The following TCERG1 variants were observed in gnomAD, a reference collection of about 807,000 sequenced individuals.
The protein encoded by TCERG1 is TATA box binding protein (TBP)-associated factor, RNA polymerase II, S, 150kD.
TCERG1 carries 37 observed loss-of-function variants against 144.7 expected under a neutral mutation model. That is an observed-to-expected ratio of 0.26 (90% CI 0.20 to 0.34). The LOEUF (loss-of-function observed/expected upper bound fraction) is 0.34. Among genes scored for constraint, TCERG1 ranks in the 10% least tolerant of loss-of-function variants. The pLI is 1.00. For missense variants in TCERG1, 1,027 were observed against 1,380.7 expected, an observed-to-expected ratio of 0.74 and a Z score of 4.06; for synonymous variants, 492 against 458.2, an observed-to-expected ratio of 1.07 and a Z score of -0.94.
chr5:146,451,597 A>G (rs1762349451), intron 1 of TCERG1, among the ~76,000 whole-genome samples: 1 of 151,696 alleles, frequency 6.6e-6, no homozygotes, highest in African/African-American at 2.4e-5. Context: ...TGCTAGGATT[A>G]CAGGCGTGAG....
intron 16 of TCERG1, among the ~76,000 whole-genome samples, chr5:146,496,128 A>G (rs777795217): frequency 1.3e-5 from 2 of 152,324 alleles, no homozygotes; most frequent in Non-Finnish European, 2.9e-5. Context: ...TAAAGCTTCA[A>G]ATATTTAAAC....
At chr5:146,451,319 C>CTTTT (rs56346846) in intron 1 of TCERG1, among the ~76,000 whole-genome samples, 8 of 138,890 alleles carry the variant, frequency 5.8e-5, no homozygotes, top group Non-Finnish European at 6.2e-5. Context: ...ATCCATATTC[C>CTTTT]TTTTTTTTTT....
At chr5:146,458,632 C>G (rs539553316) in intron 3 of TCERG1, among the ~76,000 whole-genome samples, 1 of 152,072 alleles carries the variant, frequency 6.6e-6, no homozygotes, top group South Asian at 2.1e-4. Flanking sequence ...GCCACCACAC[C>G]TGGCTAATTT....
rs184486983 is a variant in TCERG1 at position 146,447,633 on chromosome 5, G to T, written c.59+225G>T. Reference sequence around the variant, plus strand: ...GCGCGTTCCCTGGCTGCTTCCTAGTGCTTTCTTGGGGCCTCGCCGCCTCTC... The same window carrying T: ...GCGCGTTCCCTGGCTGCTTCCTAGTTCTTTCTTGGGGCCTCGCCGCCTCTC... On this transcript the variant is annotated intron_variant, in intron 1 of 22. Coordinates refer to ENST00000679501, the MANE Select transcript of TCERG1 (RefSeq NM_001382548.1). Among the ~76,000 whole-genome samples, 1,413 of 152,338 alleles carry T rather than the reference G, an allele frequency of 9.3e-3. 24 individuals are homozygous for T. The highest frequency in any genetic ancestry group is 0.031 in the African/African-American group (1,296 of 41,590).
intron 16 of TCERG1, 71 bp from the exon 17 acceptor site, chr5:146,498,465 G>T: frequency 2.0e-6 from 3 of 1,475,640 alleles, no homozygotes; most frequent in East Asian, 2.3e-5. Context: ...TGGAAAAATG[G>T]TATCTTCTGC....
chr5:146,490,645 T>C (rs1000660638), intron 15 of TCERG1, among the ~76,000 whole-genome samples: 1 of 152,204 alleles, frequency 6.6e-6, no homozygotes, highest in Non-Finnish European at 1.5e-5. Flanking sequence ...GAAGGGTCTA[T>C]TGTGCTCAGT....
At chr5:146,471,699 A>G in intron 9 of TCERG1, 123 bp downstream of exon 9, 2 of 643,712 alleles carry the variant, frequency 3.1e-6, no homozygotes, top group Non-Finnish European at 5.2e-6. Flanking sequence ...CCCTAGTTCA[A>G]GCGATTCTCC....
intron 19 of TCERG1, 70 bp downstream of exon 19, chr5:146,504,076 GA>G (rs2150883184): frequency 7.7e-7 from 1 of 1,300,646 alleles, no homozygotes; most frequent in African/African-American, 1.5e-5. Context: ...TTACTGTTAT[GA>G]ATATTTTAAT....
chr5:146,471,629 C>CAAA, intron 9 of TCERG1, 53 bp downstream of exon 9: 2 of 1,483,456 alleles, frequency 1.3e-6, no homozygotes, highest in Non-Finnish European at 1.9e-6. Flanking sequence ...GACGGAGTCT[C>CAAA]ACTCTGTCAC....
At chr5:146,496,874 T>G (rs1163620620) in intron 16 of TCERG1, among the ~76,000 whole-genome samples, 4 of 142,960 alleles carry the variant, frequency 2.8e-5, no homozygotes, top group South Asian at 2.3e-4. Context: ...TATGTGTTTT[T>G]TTTTTTTTTT....
chr5:146,474,937 T>C (rs561913858), intron 9 of TCERG1, among the ~76,000 whole-genome samples: 1 of 152,324 alleles, frequency 6.6e-6, no homozygotes, highest in African/African-American at 2.4e-5. Context: ...CTGTATTTTG[T>C]TGGTCTGGAG....
chr5:146,491,678 G>A (rs1360287166), intron 15 of TCERG1, among the ~76,000 whole-genome samples: 1 of 152,110 alleles, frequency 6.6e-6, no homozygotes, highest in Non-Finnish European at 1.5e-5. Context: ...AGTTTGGTTT[G>A]CCTTATTCCC....
Position 146,449,640 on chromosome 5 carries a change from A to T in TCERG1, c.59+2232A>T, listed in dbSNP as rs79949083. Among the ~76,000 whole-genome samples the T allele has an allele frequency of 8.9e-4, 136 of 152,312 alleles. 2 individuals are homozygous for T. In the East Asian group the frequency reaches 0.024, roughly 26 times the overall value. On this transcript the variant is annotated intron_variant, in intron 1 of 22. Transcript: ENST00000679501. ...TCTGGATAGAGAACTTCTATTGTAGAAAAATACCTTATGTTTGTATTTCCA... is the reference window on the plus strand; with the variant it reads ...TCTGGATAGAGAACTTCTATTGTAGTAAAATACCTTATGTTTGTATTTCCA...
At chr5:146,461,438 C>T (rs1397140782) in intron 4 of TCERG1, among the ~76,000 whole-genome samples, 3 of 152,112 alleles carry the variant, frequency 2.0e-5, no homozygotes, top group Non-Finnish European at 4.4e-5. Flanking sequence ...GCTTCACTAG[C>T]TACTTTAGCA....
rs963120598 is a variant in TCERG1, at chr5:146,491,189, G to A, written c.2164-1731G>A. On this transcript the variant is annotated intron_variant, in intron 15 of 22. Coordinates refer to ENST00000679501, the MANE Select transcript of TCERG1 (RefSeq NM_001382548.1). Reference sequence around the variant, plus strand: ...GCATGTAGAGATGGGATTTTGCCACGTTGCCCAGGCTGGTCTTGAACTCCT... The same window carrying A: ...GCATGTAGAGATGGGATTTTGCCACATTGCCCAGGCTGGTCTTGAACTCCT... Among the ~76,000 whole-genome samples, 5 of 150,952 alleles carry A rather than the reference G, an allele frequency of 3.3e-5. No individual in the cohort carries two copies. The East Asian group carries it at 5.8e-4, about 18-fold the overall frequency.
Position 146,468,374 on chromosome 5 carries a change from A to T in TCERG1, c.1169A>T (p.Tyr390Phe), listed in dbSNP as rs1275204873. The T allele has an allele frequency of 6.2e-7, 1 of 1,610,720 alleles. No homozygotes were observed. ...VAMMQIVSCPYVKTVATTKTG... is the reference protein window; with the variant it reads ...VAMMQIVSCPFVKTVATTKTG... Reference sequence around the variant, plus strand: ...ATGATGCAAATAGTCAGCTGCCCGTATGTAAAGACAGTCGCTACCACCAAG... The same window carrying T: ...ATGATGCAAATAGTCAGCTGCCCGTTTGTAAAGACAGTCGCTACCACCAAG... Residue 390 changes from tyrosine to phenylalanine, a missense_variant, in exon 6 of 23, where the codon TAT becomes TTT. Tyr to Phe is a conservative substitution (Grantham distance 22). Transcript: ENST00000679501.
chr5:146,507,358 G>T lies in TCERG1; in HGVS notation c.2961+151G>T. 2 of 695,892 alleles carry T rather than the reference G, an allele frequency of 2.9e-6. No individual in the cohort carries two copies. Among genetic ancestry groups the T allele is most frequent in the Non-Finnish European group, 4.3e-6 (2 of 462,976 alleles). The allele number at this position is 695,892 out of a possible 1,614,324, so 43.1% of individuals were successfully genotyped here. A position where few individuals can be genotyped will look rare whatever the true frequency, so the allele number is the denominator to read the frequency against. On this transcript the variant is annotated intron_variant, in intron 20 of 22. Coordinates refer to ENST00000679501, the MANE Select transcript of TCERG1 (RefSeq NM_001382548.1). The surrounding 1 kb of genome is among the most constrained non-coding windows in gnomAD (Gnocchi z 4.6). Reference sequence around the variant, plus strand: ...CAATTCTCTGATTTTAAAAAATTATGGTATTCTTATTTATTTAGAAATGCC... The same window carrying T: ...CAATTCTCTGATTTTAAAAAATTATTGTATTCTTATTTATTTAGAAATGCC...
intron 5 of TCERG1, among the ~76,000 whole-genome samples, chr5:146,465,661 A>G (rs1763709633): frequency 6.6e-6 from 1 of 152,194 alleles, no homozygotes; most frequent in Non-Finnish European, 1.5e-5. Flanking sequence ...GCCATTAGTG[A>G]CATTTTGGGG....
Position 146,493,094 on chromosome 5 carries a change from G to A in TCERG1, c.2282+56G>A, listed in dbSNP as rs1234289339. 3.2e-5 allele frequency: 39 copies of A among 1,235,146 alleles called. No individual in the cohort carries two copies. In the Middle Eastern group the frequency reaches 7.0e-4, roughly 22 times the overall value. The allele number at this position is 1,235,146 out of a possible 1,614,324, so 76.5% of individuals were successfully genotyped here. ...GTGTATTTATTTTCTCCTAAGATCA[G>A]TTTTTAAAAATTAAAAAAATAGATA... is the stretch of plus-strand genomic sequence containing the variant. On this transcript the variant is annotated intron_variant, in intron 16 of 22. Coordinates refer to ENST00000679501, the MANE Select transcript of TCERG1 (RefSeq NM_001382548.1).
Sources: gnomAD v4.1 joint callset for allele counts (sites outside exome capture counted in the v4.1 genomes callset) on GRCh38, gnomAD v4.1.1 for gene constraint, Gnocchi (gnomAD v3.1) non-coding constraint, MANE v1.5 for transcripts, NCBI Gene and HGNC (gene_info 2026-07-23, HGNC 2026-07-21) for gene names.